PRPF18: variants seen among roughly 807,000 people sequenced by gnomAD.
PRPF18 encodes the protein pre-mRNA processing factor 18.
A neutral mutation model predicts 46.5 loss-of-function variants in PRPF18; 38 were observed. The ratio of observed to expected loss-of-function variants is 0.82; its 90% confidence interval spans 0.63 to 1.07. The LOEUF is 1.07. Ranked by LOEUF, PRPF18 falls within the 50% of genes least tolerant of loss-of-function variation. The pLI is 0.00. For synonymous variants in PRPF18, 152 were observed against 146.7 expected, an observed-to-expected ratio of 1.04 and a Z score of -0.26; for missense variants, 263 against 410.0, an observed-to-expected ratio of 0.64 and a Z score of 3.10.
At chr10:13,632,884 A>G (rs1473450185), downstream of PRPF18, 1 of 152,210 alleles carries the variant, frequency 6.6e-6, no homozygotes, top group Non-Finnish European at 1.5e-5. Flanking sequence ...TTTAAAATCA[A>G]TCACAGTCCT....
the PRPF18 span, chr10:13,639,658 G>A: frequency 6.6e-6 from 1 of 152,174 alleles, no homozygotes; most frequent in Non-Finnish European, 1.5e-5. Context: ...TTCATCCTTT[G>A]ATTAGGAATT....
chr10:13,620,812 C>T (rs2133907959), intron 9 of PRPF18, among the ~76,000 whole-genome samples: 1 of 152,328 alleles, frequency 6.6e-6, no homozygotes, highest in South Asian at 2.1e-4. Flanking sequence ...ATGCAAACCT[C>T]TGTAGAACTT....
At chr10:13,634,144 G>A (rs1170492191), downstream of PRPF18, among the ~76,000 whole-genome samples, 1 of 152,196 alleles carries the variant, frequency 6.6e-6, no homozygotes, top group African/African-American at 2.4e-5. Context: ...AAAAAAGAAT[G>A]TATTTTTACG....
chr10:13,604,974 AAG>A (rs1420342096), intron 3 of PRPF18, among the ~76,000 whole-genome samples: 1 of 152,214 alleles, frequency 6.6e-6, no homozygotes, highest in African/African-American at 2.4e-5. Context: ...CTCACAGTAA[AAG>A]AGGTGGTTTA....
chr10:13,613,564 C>G (rs577766277), intron 6 of PRPF18, among the ~76,000 whole-genome samples, 177 bp from the exon 7 acceptor site: 1 of 152,318 alleles, frequency 6.6e-6, no homozygotes, highest in East Asian at 1.9e-4. Flanking sequence ...GGTACTACTT[C>G]AAAGCATTAT....
At chr10:13,611,741 AT>A (rs1394196502) in intron 6 of PRPF18, 58 bp downstream of exon 6, 10 of 1,488,400 alleles carry the variant, frequency 6.7e-6, no homozygotes, top group Non-Finnish European at 9.3e-6. Flanking sequence ...CTATTCTTAT[AT>A]TTTTGGATTA....
intron 1 of PRPF18, among the ~76,000 whole-genome samples, chr10:13,593,246 A>G (rs913580028): frequency 6.6e-6 from 1 of 152,206 alleles, no homozygotes; most frequent in Non-Finnish European, 1.5e-5. Flanking sequence ...AAAGTACAAA[A>G]AAATACAAGA....
At chr10:13,635,647 G>A (rs577939424), downstream of PRPF18, among the ~76,000 whole-genome samples, 1 of 152,194 alleles carries the variant, frequency 6.6e-6, no homozygotes, top group African/African-American at 2.4e-5. Flanking sequence ...CTAATGATCA[G>A]TGATGTTGAG....
intron 3 of PRPF18, among the ~76,000 whole-genome samples, 178 bp from the exon 4 acceptor site, chr10:13,605,453 G>T (rs1048477468): frequency 6.6e-6 from 1 of 151,842 alleles, no homozygotes; most frequent in Admixed American, 6.6e-5. Flanking sequence ...GTGGTGGCGG[G>T]CGCCTGTAGT....
downstream of PRPF18, chr10:13,631,789 C>T (rs928633704): frequency 1.3e-5 from 2 of 152,226 alleles, no homozygotes; most frequent in African/African-American, 2.4e-5. Flanking sequence ...TTGAGAAGGG[C>T]CGGGGATGTG....
intron 4 of PRPF18, 106 bp downstream of exon 4, chr10:13,605,850 C>A: frequency 7.4e-7 from 1 of 1,359,514 alleles, no homozygotes; most frequent in South Asian, 2.0e-5. Flanking sequence ...GTAAAGTGAG[C>A]AGATTATTGC....
intron 9 of PRPF18, among the ~76,000 whole-genome samples, chr10:13,617,240 G>A (rs1299616290): frequency 3.3e-5 from 5 of 152,176 alleles, no homozygotes; most frequent in African/African-American, 9.7e-5. Context: ...GTGATACTCC[G>A]GAAGTTTACT....
the PRPF18 span, chr10:13,647,035 C>A: frequency 2.3e-5 from 21 of 906,164 alleles, no homozygotes; most frequent in Non-Finnish European, 2.8e-5. Flanking sequence ...CATTGTAGCT[C>A]CTGTGGGAGG....
At chr10:13,654,373 T>A in the PRPF18 span, 1 of 1,197,390 alleles carries the variant, frequency 8.4e-7, no homozygotes, top group Non-Finnish European at 1.2e-6. Flanking sequence ...TCTATGACAC[T>A]CTTTCGAGCT....
At chr10:13,600,562 A>G (rs2080091163) in intron 3 of PRPF18, among the ~76,000 whole-genome samples, 2 of 152,208 alleles carry the variant, frequency 1.3e-5, no homozygotes, top group South Asian at 2.1e-4. Context: ...TTATCCTTCT[A>G]AACTTTAAAA....
intron 5 of PRPF18, among the ~76,000 whole-genome samples, chr10:13,611,405 C>T (rs2080267478): frequency 6.6e-6 from 1 of 152,128 alleles, no homozygotes; most frequent in South Asian, 2.1e-4. Context: ...CCCCTCTTGA[C>T]TTTTCATAAA....
chr10:13,624,267 C>G (rs778034335), intron 9 of PRPF18, among the ~76,000 whole-genome samples: 2 of 152,232 alleles, frequency 1.3e-5, no homozygotes, highest in Non-Finnish European at 2.9e-5. Context: ...CGTGAGCCAC[C>G]GCAGCTGGCC....
At chr10:13,607,421 A>G (rs1483721161) in intron 4 of PRPF18, among the ~76,000 whole-genome samples, 2 of 151,872 alleles carry the variant, frequency 1.3e-5, no homozygotes, top group Non-Finnish European at 2.9e-5. Context: ...GTGTGTGTGT[A>G]CACACACGCT....
intron 4 of PRPF18, among the ~76,000 whole-genome samples, chr10:13,606,070 A>G (rs2080179678): frequency 1.3e-5 from 2 of 152,252 alleles, no homozygotes; most frequent in South Asian, 4.2e-4. Flanking sequence ...TGATCTGTGA[A>G]GTAAACCACC....
Sources: allele counts gnomAD v4.1 joint callset (sites outside exome capture counted in the v4.1 genomes callset), GRCh38; gene constraint gnomAD v4.1.1; transcripts MANE v1.5; gene names NCBI Gene and HGNC (gene_info 2026-07-23, HGNC 2026-07-21).